Variants in SHROOM3 observed in about 807,000 individuals in gnomAD.
SHROOM3 encodes shroom family member 3, also known as protein Shroom3.
In SHROOM3, 47 loss-of-function variants were observed where a neutral mutation model predicts 138.6. The observed-to-expected ratio is 0.34, with a 90% CI of 0.27 to 0.43. The LOEUF is 0.43. SHROOM3 is among the 20% of genes least tolerant of loss of function. The pLI is 1.00. For synonymous variants in SHROOM3, 1,062 were observed against 1,063.3 expected (o/e 1.00, Z 0.02); for missense variants, 2,491 against 2,596.5 (o/e 0.96, Z 0.88).
chr4:76,464,706 T>G (rs1428951701), intron 1 of SHROOM3, among the ~76,000 whole-genome samples: 1 of 152,208 alleles, frequency 6.6e-6, no homozygotes, highest in Non-Finnish European at 1.5e-5. Flanking sequence ...TCCCTTGCTA[T>G]TCTCATGATA....
intron 2 of SHROOM3, among the ~76,000 whole-genome samples, chr4:76,557,868 C>T (rs902764656): frequency 1.2e-4 from 19 of 152,198 alleles, no homozygotes; most frequent in African/African-American, 4.3e-4. Flanking sequence ...GGCATAGGCT[C>T]ATTCCTTGCA....
chr4:76,759,419 T>C (rs779119036), intron 8 of SHROOM3, 126 bp from the exon 9 acceptor site: 2 of 1,295,400 alleles, frequency 1.5e-6, no homozygotes, highest in Admixed American at 1.9e-5. Flanking sequence ...GTTACTAGTT[T>C]ATCCTAATTT....
At chr4:76,507,362 C>T (rs892565888) in intron 1 of SHROOM3, among the ~76,000 whole-genome samples, 1 of 152,146 alleles carries the variant, frequency 6.6e-6, no homozygotes, top group Non-Finnish European at 1.5e-5. Context: ...CCATTTTACA[C>T]TCTAATCAGC....
At chr4:76,536,031 C>T (rs1037910288) in intron 1 of SHROOM3, among the ~76,000 whole-genome samples, 11 of 152,186 alleles carry the variant, frequency 7.2e-5, no homozygotes, top group South Asian at 4.1e-4. Flanking sequence ...GGCATCTGAG[C>T]GAGACCCAGG....
intron 1 of SHROOM3, among the ~76,000 whole-genome samples, chr4:76,503,469 C>G (rs1732143304): frequency 6.6e-6 from 1 of 152,092 alleles, no homozygotes; most frequent in Admixed American, 6.6e-5. Context: ...TACTTTGTCA[C>G]CCAGGCTGGA....
chr4:76,506,778 A>G (rs7682633), intron 1 of SHROOM3, among the ~76,000 whole-genome samples: 16,479 of 152,098 alleles, frequency 0.11, 995 homozygotes, highest in South Asian at 0.2. Flanking sequence ...CATATTTTTA[A>G]TAACATGTTT....
intron 3 of SHROOM3, chr4:76,716,201 G>A: frequency 2.3e-6 from 1 of 443,012 alleles, no homozygotes; most frequent in Non-Finnish European, 4.5e-6. Flanking sequence ...GACTGGCATT[G>A]AGAGTCCCTC....
At position 76,539,249 on chromosome 4, in the gene SHROOM3, G is replaced by T. The variant is rs72866586; in HGVS notation, c.169-16360G>T. ...ATGTTAGTTCTCTTTCCTTTCCCTTGTTTTCCTTCCTTCACCTTTATGTTA... is the reference window on the plus strand; with the variant it reads ...ATGTTAGTTCTCTTTCCTTTCCCTTTTTTTCCTTCCTTCACCTTTATGTTA... On this transcript the variant is annotated intron_variant, in intron 1 of 10. Transcript: ENST00000296043. Among the ~76,000 whole-genome samples, 791 of 152,128 alleles carry T rather than the reference G, an allele frequency of 5.2e-3. 4 individuals are homozygous for T. The highest frequency in any genetic ancestry group is 0.018 in the African/African-American group (755 of 41,490).
At chr4:76,669,867 G>A (rs1718827005) in intron 2 of SHROOM3, among the ~76,000 whole-genome samples, 1 of 152,158 alleles carries the variant, frequency 6.6e-6, no homozygotes, top group East Asian at 1.9e-4. Context: ...GATGTTTTAA[G>A]GAAACTAAGG....
chr4:76,775,353 T>C (rs1722517769), intron 10 of SHROOM3, among the ~76,000 whole-genome samples: 1 of 150,798 alleles, frequency 6.6e-6, no homozygotes, highest in Admixed American at 6.6e-5. Context: ...TAAACCACAA[T>C]GTGATACCAC....
chr4:76,477,249 G>A (rs970341936), intron 1 of SHROOM3, among the ~76,000 whole-genome samples: 15 of 152,158 alleles, frequency 9.9e-5, no homozygotes, highest in African/African-American at 2.9e-4. Flanking sequence ...GATTATGGGC[G>A]TGAGCCACCA....
intron 1 of SHROOM3, among the ~76,000 whole-genome samples, chr4:76,493,756 G>A (rs902126024): frequency 2.0e-5 from 3 of 152,248 alleles, no homozygotes; most frequent in East Asian, 1.9e-4. Flanking sequence ...CAAGGTGGGC[G>A]GATCACAAGG....
intron 1 of SHROOM3, among the ~76,000 whole-genome samples, chr4:76,442,660 C>T (rs1177801730): frequency 6.6e-6 from 1 of 152,048 alleles, no homozygotes; most frequent in Non-Finnish European, 1.5e-5. Flanking sequence ...CCGCCCACCT[C>T]GGCCTCCCAA....
At chr4:76,732,622 C>G (rs1383480806) in intron 4 of SHROOM3, among the ~76,000 whole-genome samples, 2 of 152,218 alleles carry the variant, frequency 1.3e-5, no homozygotes, top group African/African-American at 4.8e-5. Flanking sequence ...CTAGCAGTGT[C>G]TCCTGACCCT....
Position 76,765,615 on chromosome 4 carries a change from AC to A in SHROOM3, c.5350-5010del, listed in dbSNP as rs533646504. ...TTAAGACGGAGACACACAGAGGCCA[AC>A]TGTGTGTGTAGAGTGACGTTACTGG... is the stretch of plus-strand genomic sequence containing the variant. On this transcript the variant is annotated intron_variant, in intron 9 of 10. Coordinates refer to ENST00000296043, the MANE Select transcript of SHROOM3 (RefSeq NM_020859.4). Among the ~76,000 whole-genome samples, 16 of 152,256 alleles carry A rather than the reference AC, an allele frequency of 1.1e-4. No homozygotes were observed. The East Asian group carries it at 3.1e-3, about 29-fold the overall frequency.
intron 10 of SHROOM3, among the ~76,000 whole-genome samples, chr4:76,775,986 A>C (rs570216265): frequency 3.6e-4 from 55 of 152,124 alleles, no homozygotes; most frequent in African/African-American, 1.3e-3. Context: ...CTCTGGATAG[A>C]TACCCAGTAG....
At chr4:76,651,100 TAG>T (rs1321888125) in intron 2 of SHROOM3, among the ~76,000 whole-genome samples, 1 of 151,328 alleles carries the variant, frequency 6.6e-6, no homozygotes, top group African/African-American at 2.4e-5. Context: ...CTCATAAACA[TAG>T]AGAGTAGAAG....
chr4:76,691,356 AATTTGTTTAGAATTCCT>A (rs1577976368), intron 2 of SHROOM3, among the ~76,000 whole-genome samples: 2 of 152,056 alleles, frequency 1.3e-5, no homozygotes, highest in East Asian at 3.9e-4. Context: ...GGAATTCTAA[AATTTGTTTAGAATTCCT>A]CAATTTTGAC....
At chr4:76,620,903 GAAAGGATGAAGGGGC>G (rs1267309810) in intron 2 of SHROOM3, among the ~76,000 whole-genome samples, 1 of 151,694 alleles carries the variant, frequency 6.6e-6, no homozygotes, top group Non-Finnish European at 1.5e-5. Context: ...AGAAGCAGAT[GAAAGGATGAAGGGGC>G]ACTTTTCCCT....
Sources: allele counts gnomAD v4.1 joint callset (sites outside exome capture counted in the v4.1 genomes callset), GRCh38; gene constraint gnomAD v4.1.1; transcripts MANE v1.5; gene names NCBI Gene and HGNC (gene_info 2026-07-23, HGNC 2026-07-21).